ANKRD55: variants seen among roughly 807,000 people sequenced by gnomAD.
ANKRD55 encodes the protein ankyrin repeat domain 55.
In ANKRD55, 41 loss-of-function variants were observed where a neutral mutation model predicts 60.6. The observed-to-expected ratio is 0.68, with a 90% CI of 0.53 to 0.88. The LOEUF (loss-of-function observed/expected upper bound fraction) is 0.88. Among genes scored for constraint, ANKRD55 ranks in the 40% least tolerant of loss-of-function variants. The pLI is 0.00. For synonymous variants in ANKRD55, 264 were observed against 290.3 expected, an observed-to-expected ratio of 0.91 and a Z score of 0.92; for missense variants, 732 against 767.6, an observed-to-expected ratio of 0.95 and a Z score of 0.55.
At chr5:56,230,068 A>G (rs1760212685) in intron 2 of ANKRD55, among the ~76,000 whole-genome samples, 1 of 152,148 alleles carries the variant, frequency 6.6e-6, no homozygotes, top group Non-Finnish European at 1.5e-5. Flanking sequence ...GGATGCAAGC[A>G]TCAGCATTTT....
intron 2 of ANKRD55, among the ~76,000 whole-genome samples, chr5:56,214,400 T>A (rs1193241699): frequency 2.0e-5 from 3 of 152,242 alleles, no homozygotes; most frequent in African/African-American, 7.2e-5. Context: ...TGCCAGGTAC[T>A]TTGTATGCAT....
chr5:56,222,127 G>A (rs1329581726), intron 2 of ANKRD55, among the ~76,000 whole-genome samples: 2 of 152,180 alleles, frequency 1.3e-5, no homozygotes, highest in African/African-American at 4.8e-5. Flanking sequence ...CATATAGCCA[G>A]GTGCCTCTCT....
At chr5:56,192,596 G>A in intron 2 of ANKRD55, 5 of 570,908 alleles carry the variant, frequency 8.8e-6, no homozygotes, top group East Asian at 3.5e-5. Flanking sequence ...CTATGGATCG[G>A]CAATAGGGTT....
intron 2 of ANKRD55, among the ~76,000 whole-genome samples, chr5:56,206,711 C>T (rs1759519455): frequency 6.6e-6 from 1 of 152,174 alleles, no homozygotes; most frequent in Admixed American, 6.6e-5. Context: ...TCCAAATAAG[C>T]ATGGCTGAAA....
chr5:56,222,341 C>T (rs1404654622), intron 2 of ANKRD55, among the ~76,000 whole-genome samples: 3 of 152,178 alleles, frequency 2.0e-5, no homozygotes, highest in Non-Finnish European at 2.9e-5. Flanking sequence ...AAAACCCCAT[C>T]TGTATGTCAC....
intron 2 of ANKRD55, among the ~76,000 whole-genome samples, chr5:56,195,845 A>T (rs1581014542): frequency 1.3e-5 from 2 of 152,244 alleles, no homozygotes; most frequent in South Asian, 4.2e-4. Context: ...ACCATGGATT[A>T]CTCTGCCCAC....
chr5:56,167,096 A>C (rs1758501458), intron 5 of ANKRD55, among the ~76,000 whole-genome samples: 1 of 152,254 alleles, frequency 6.6e-6, no homozygotes, highest in South Asian at 2.1e-4. Flanking sequence ...AGGGTGGACT[A>C]GTTTCCAATA....
At chr5:56,184,568 C>T (rs1003983874) in intron 2 of ANKRD55, among the ~76,000 whole-genome samples, 4 of 152,160 alleles carry the variant, frequency 2.6e-5, no homozygotes, top group Admixed American at 2.0e-4. Context: ...CTGCATTATG[C>T]CTTGTGCATG....
chr5:56,134,118 A>G lies in ANKRD55; in HGVS notation c.613-7012T>C, dbSNP rs978950611. ...TATCAGAAATGAAAAAAGGTACTTCACTACAGATCCCATGGACATTAAAAG... is the reference window on the plus strand; with the variant it reads ...TATCAGAAATGAAAAAAGGTACTTCGCTACAGATCCCATGGACATTAAAAG... On this transcript the variant is annotated intron_variant, in intron 7 of 11. Coordinates refer to ENST00000341048, the MANE Select transcript of ANKRD55 (RefSeq NM_024669.3). 1.7e-5 allele frequency among the ~76,000 whole-genome samples: 2 copies of G among 114,988 alleles called. 1 individual carries two copies. The highest frequency in any genetic ancestry group is 5.6e-5 in the African/African-American group (2 of 35,434). The allele number at this position is 114,988 out of a possible 152,430, so 75.4% of individuals were successfully genotyped here. A position where few individuals can be genotyped will look rare whatever the true frequency, so the allele number is the denominator to read the frequency against.
chr5:56,183,006 A>C (rs1282642969), intron 3 of ANKRD55, among the ~76,000 whole-genome samples: 3 of 152,190 alleles, frequency 2.0e-5, no homozygotes, highest in Admixed American at 2.0e-4. Context: ...CTTCAGCATC[A>C]GCTCTGGGAG....
chr5:56,158,594 C>G (rs1253939701), intron 6 of ANKRD55, among the ~76,000 whole-genome samples: 1 of 152,184 alleles, frequency 6.6e-6, no homozygotes, highest in Non-Finnish European at 1.5e-5. Context: ...CTACTTGCAA[C>G]ATGAATTAAA....
Position 56,176,189 on chromosome 5 carries a change from G to T in ANKRD55, c.275C>A (p.Ala92Asp). 2 of 1,614,186 alleles carry T rather than the reference G, an allele frequency of 1.2e-6. No homozygotes were observed. The highest frequency in any genetic ancestry group is 1.7e-6 in the Non-Finnish European group (2 of 1,180,038). The change falls in exon 4 of 12, where the codon GCT (alanine) becomes GAT (aspartate). Residue 92 changes from alanine to aspartate, a missense_variant. Transcript: ENST00000341048. ...CAGGCATAAACTTGTGCGGCCATAA[G>T]CATCCTGCATGTTAATATTGGCTCC... ...KMGANINMQD[A>D]YGRTSLCLAT...
intron 2 of ANKRD55, 113 bp downstream of exon 2, chr5:56,232,743 T>C (rs1760287492): frequency 2.6e-6 from 2 of 760,594 alleles, no homozygotes; most frequent in Non-Finnish European, 1.9e-6. Flanking sequence ...CCCACGCACA[T>C]GAACACACAC....
intron 2 of ANKRD55, among the ~76,000 whole-genome samples, chr5:56,187,001 T>C (rs2111837014): frequency 6.6e-6 from 1 of 152,350 alleles, no homozygotes; most frequent in Non-Finnish European, 1.5e-5. Context: ...AATCCGTTCA[T>C]CACTGAGTGC....
At chr5:56,187,760 A>T (rs912902300) in intron 2 of ANKRD55, among the ~76,000 whole-genome samples, 10 of 152,208 alleles carry the variant, frequency 6.6e-5, no homozygotes, top group South Asian at 2.1e-4. Flanking sequence ...TCCGTGACCC[A>T]CGGCTTCTAA....
intron 5 of ANKRD55, among the ~76,000 whole-genome samples, chr5:56,166,437 A>G (rs1040272281): frequency 6.6e-6 from 1 of 151,810 alleles, no homozygotes; most frequent in Non-Finnish European, 1.5e-5. Context: ...TTTTAAAAAA[A>G]TCATTTTTAG....
chr5:56,144,406 T>C (rs530312768), intron 6 of ANKRD55, among the ~76,000 whole-genome samples: 29 of 152,132 alleles, frequency 1.9e-4, no homozygotes, highest in Non-Finnish European at 3.2e-4. Flanking sequence ...GTGACTGGAG[T>C]GCAATCCCCC....
chr5:56,111,199 C>A lies in ANKRD55; in HGVS notation c.1549G>T (p.Asp517Tyr), dbSNP rs886102810. 4 of 1,614,112 alleles carry A rather than the reference C, an allele frequency of 2.5e-6. No homozygotes were observed. Among genetic ancestry groups the A allele is most frequent in the East Asian group, 2.2e-5 (1 of 44,884 alleles). ...WTVSSSDKLL[D>Y]RLLSVRPGHQ... Reference sequence around the variant, plus strand: ...CCAGGCCGGACACTGAGCAATCTGTCCAGCAGCTTATCAGAAGAAGACACA... The same window carrying A: ...CCAGGCCGGACACTGAGCAATCTGTACAGCAGCTTATCAGAAGAAGACACA... Residue 517 changes from aspartate to tyrosine, a missense_variant, in exon 10 of 12, where the codon GAC becomes TAC. Coordinates refer to ENST00000341048, the MANE Select transcript of ANKRD55 (RefSeq NM_024669.3).
chr5:56,133,230 G>A (rs6861696), intron 7 of ANKRD55, among the ~76,000 whole-genome samples: 26,665 of 150,250 alleles, frequency 0.18, 2,708 homozygotes, highest in African/African-American at 0.29. Flanking sequence ...CACAAGGTCG[G>A]GAGTTCGAGA....
Sources: allele counts gnomAD v4.1 joint callset (sites outside exome capture counted in the v4.1 genomes callset), GRCh38; gene constraint gnomAD v4.1.1; transcripts MANE v1.5; gene names NCBI Gene and HGNC (gene_info 2026-07-23, HGNC 2026-07-21).